Variants in EMILIN2 observed in about 807,000 individuals in gnomAD.
The protein encoded by EMILIN2 is elastin microfibril interfacer 2.
A neutral mutation model predicts 87.1 loss-of-function variants in EMILIN2; 71 were observed. The observed-to-expected ratio is 0.82, with a 90% confidence interval of 0.67 to 0.99. The LOEUF (loss-of-function observed/expected upper bound fraction) is 0.99, where lower values mean the gene tolerates loss of function less well. Ranked by LOEUF, EMILIN2 falls within the 50% of genes least tolerant of loss-of-function variation. The probability of loss-of-function intolerance (pLI) is 0.00; values close to 1 mark genes in which losing one functional copy is unlikely to be tolerated. For synonymous variants in EMILIN2, 581 were observed against 563.4 expected (o/e 1.03, Z -0.44); for missense variants, 1,407 against 1,371.8 (o/e 1.03, Z -0.40).
At chr18:2,888,632 G>A (rs1395718176) in intron 3 of EMILIN2, among the ~76,000 whole-genome samples, 6 of 150,720 alleles carry the variant, frequency 4.0e-5, no homozygotes, top group African/African-American at 7.3e-5. Flanking sequence ...GGAGAATGGC[G>A]TGAACCCAAG....
At chr18:2,893,888 C>T (rs1357778282) in intron 4 of EMILIN2, among the ~76,000 whole-genome samples, 1 of 152,136 alleles carries the variant, frequency 6.6e-6, no homozygotes, top group African/African-American at 2.4e-5. Context: ...TCTTGCAGTC[C>T]AGCCATGATG....
At chr18:2,900,769 C>G (rs889279243) in intron 4 of EMILIN2, among the ~76,000 whole-genome samples, 9 of 152,192 alleles carry the variant, frequency 5.9e-5, no homozygotes, top group African/African-American at 2.2e-4. Context: ...GGTTATTTCC[C>G]AGGAACTAGA....
At chr18:2,893,576 T>C (rs1267587996) in intron 4 of EMILIN2, among the ~76,000 whole-genome samples, 4 of 152,336 alleles carry the variant, frequency 2.6e-5, no homozygotes, top group Non-Finnish European at 5.9e-5. Flanking sequence ...TTGTGGGTGC[T>C]AAACGCAGCC....
At position 2,891,728 on chromosome 18, in the gene EMILIN2, G is replaced by A. The variant is rs758657361; in HGVS notation, c.1601G>A (p.Arg534Gln). 1.1e-5 allele frequency: 17 copies of A among 1,614,130 alleles called. No individual in the cohort carries two copies. In the East Asian group the frequency reaches 2.2e-4, roughly 21 times the overall value. The change falls in exon 4 of 8, where the codon CGG (arginine) becomes CAG (glutamine). Residue 534 changes from arginine to glutamine, a missense_variant. By Grantham distance (43) the Arg-to-Gln change is conservative. Coordinates refer to ENST00000254528, the MANE Select transcript of EMILIN2 (RefSeq NM_032048.3). The surrounding 1 kb of genome is among the most constrained non-coding windows in gnomAD (Gnocchi z 4.6). ...LPGVSGSGDE[R>Q]VMMELNHLKD... is the part of the protein sequence containing the mutation. ...GGAGTGTCAGGGTCAGGAGATGAAC[G>A]GGTCATGATGGAATTAAACCACCTG...
intron 2 of EMILIN2, among the ~76,000 whole-genome samples, chr18:2,870,490 C>A (rs548862051): frequency 6.6e-6 from 1 of 152,270 alleles, no homozygotes; most frequent in Non-Finnish European, 1.5e-5. Flanking sequence ...CTGTTGGCTT[C>A]TGGAAGTGCA....
chr18:2,854,786 A>T (rs530533723), intron 2 of EMILIN2, among the ~76,000 whole-genome samples: 1 of 152,146 alleles, frequency 6.6e-6, no homozygotes, highest in Non-Finnish European at 1.5e-5. Context: ...AGAGTCAAAA[A>T]CAAAACAAAC....
chr18:2,899,016 A>G (rs2076875934), intron 4 of EMILIN2, among the ~76,000 whole-genome samples: 1 of 152,176 alleles, frequency 6.6e-6, no homozygotes. Context: ...CCTTGAACTT[A>G]GAGCTGCAGT....
Position 2,847,225 on chromosome 18 carries a change from TG to T in EMILIN2, c.39del (p.Trp13CysfsTer40). The T allele has an allele frequency of 8.0e-7, 1 of 1,254,970 alleles. No homozygotes were observed. The allele number at this position is 1,254,970 out of a possible 1,614,324, so 77.7% of individuals were successfully genotyped here. A position where few individuals can be genotyped will look rare whatever the true frequency, so the allele number is the denominator to read the frequency against. On this transcript the variant is annotated frameshift_variant, in exon 1 of 8. Transcript: ENST00000254528. LOFTEE classifies it high-confidence loss of function. The surrounding 1 kb of genome is among the most constrained non-coding windows in gnomAD (Gnocchi z 4.5). ...CAGACGGCCCTGGCCCCGCGTGCCCTGGCGCTGGGCGCTGGCGCTGCTGGCC... is the reference window on the plus strand; with the variant it reads ...CAGACGGCCCTGGCCCCGCGTGCCCTGCGCTGGGCGCTGGCGCTGCTGGCC... ...QPRRPWPRVP[W>X]RWALALLALV...
rs776824246 is a variant in EMILIN2 at position 2,891,231 on chromosome 18, C to T, written c.1104C>T (p.Leu368=). 2 of 1,614,112 alleles carry T rather than the reference C, an allele frequency of 1.2e-6. No individual in the cohort carries two copies. Among genetic ancestry groups the T allele is most frequent in the Admixed American group, 1.7e-5 (1 of 60,016 alleles). Residue 368 remains leucine (L), a synonymous_variant, in exon 4 of 8, where the codon CTC becomes CTT. Transcript: ENST00000254528. The surrounding 1 kb of genome is among the most constrained non-coding windows in gnomAD (Gnocchi z 4.6). ...GCAGCTACCTGGGAGTGATAGAGCT[C>T]ATAGGGGAGAAGGAAACAAGCCTGA... ...YGSSYLGVIE[L]IGEKETSLRK...
intron 4 of EMILIN2, among the ~76,000 whole-genome samples, chr18:2,902,194 T>C (rs1444293274): frequency 6.6e-6 from 1 of 152,226 alleles, no homozygotes; most frequent in Non-Finnish European, 1.5e-5. Context: ...GGTTCCCAAC[T>C]TAATGGCTGG....
intron 2 of EMILIN2, among the ~76,000 whole-genome samples, chr18:2,868,347 C>G (rs2076700262): frequency 6.6e-6 from 1 of 151,870 alleles, no homozygotes; most frequent in Non-Finnish European, 1.5e-5. Flanking sequence ...TCCTCACATC[C>G]CAGACGATGG....
chr18:2,877,797 G>GA (rs2076757166), intron 2 of EMILIN2, among the ~76,000 whole-genome samples: 1 of 149,774 alleles, frequency 6.7e-6, no homozygotes, highest in South Asian at 2.1e-4. Flanking sequence ...AAAAAAGAAA[G>GA]AAAACCAGTC....
At position 2,847,991 on chromosome 18, in the gene EMILIN2, G is replaced by T. The variant is rs2076584774; in HGVS notation, c.257+60G>T. 1 of 1,495,476 alleles carries T rather than the reference G, an allele frequency of 6.7e-7. No homozygotes were observed. 92.6% of individuals were successfully genotyped at this position (1,495,476 alleles called of 1,614,324 possible). The stretch of plus-strand genomic sequence containing the variant: ...CCCGGGCCGGGGCGGTGGGGGTGGG[G>T]TGGGGTTGCTGCGCTGGGCTCCAGT... On this transcript the variant is annotated intron_variant, in intron 2 of 7. Coordinates refer to ENST00000254528, the MANE Select transcript of EMILIN2 (RefSeq NM_032048.3). The surrounding 1 kb of genome is among the most constrained non-coding windows in gnomAD (Gnocchi z 4.5).
chr18:2,856,215 A>G (rs72868198), intron 2 of EMILIN2, among the ~76,000 whole-genome samples: 2 of 150,974 alleles, frequency 1.3e-5, no homozygotes, highest in Non-Finnish European at 2.9e-5. Context: ...CTCTCTAAAA[A>G]ATAAAATAAA....
chr18:2,887,947 A>G (rs1005879151), intron 3 of EMILIN2, among the ~76,000 whole-genome samples: 6 of 152,222 alleles, frequency 3.9e-5, no homozygotes, highest in African/African-American at 7.2e-5. Flanking sequence ...GGTTACAGGC[A>G]GAACCACTGC....
In EMILIN2 at chr18:2,906,898, C is replaced by T. The variant is rs2144069771; in HGVS notation, c.2475C>T (p.Val825=). The part of the protein sequence containing the change: ...ATAEDPGRRP[V]LPQRPPEERP... ...CAGAGGACCCTGGGCGACGGCCCGT[C>T]CTGCCCCAGCGGCCCCCCGAGGAGA... is the stretch of plus-strand genomic sequence containing the variant. The change falls in exon 5 of 8, where the codon GTC becomes GTT. Residue 825 remains valine, a synonymous_variant. Coordinates refer to ENST00000254528, the MANE Select transcript of EMILIN2 (RefSeq NM_032048.3). The T allele has an allele frequency of 7.2e-7, 1 of 1,393,946 alleles. No homozygotes were observed. The highest frequency in any genetic ancestry group is 3.2e-5 in the East Asian group (1 of 31,670). 86.3% of individuals were successfully genotyped at this position (1,393,946 alleles called of 1,614,324 possible). A position where few individuals can be genotyped will look rare whatever the true frequency, so the allele number is the denominator to read the frequency against.
chr18:2,885,998 C>T (rs904200056), intron 3 of EMILIN2, among the ~76,000 whole-genome samples: 7 of 152,220 alleles, frequency 4.6e-5, no homozygotes, highest in South Asian at 2.1e-4. Context: ...AAGTAATGCA[C>T]ATCAATTAAA....
chr18:2,847,731 C>A lies in EMILIN2; in HGVS notation c.135-78C>A. On this transcript the variant is annotated intron_variant, in intron 1 of 7. Transcript: ENST00000254528. The surrounding 1 kb of genome is among the most constrained non-coding windows in gnomAD (Gnocchi z 4.5). ...CCCCCGACCCTCGCTCGGTCTGGTG[C>A]CGCAGTCCCCTCTCCCCTGGCCTCA... 1 of 1,543,362 alleles carries A rather than the reference C, an allele frequency of 6.5e-7. No individual in the cohort carries two copies. The highest frequency in any genetic ancestry group is 8.7e-7 in the Non-Finnish European group (1 of 1,150,100).
chr18:2,868,258 G>A (rs1249749136), intron 2 of EMILIN2, among the ~76,000 whole-genome samples: 3 of 151,306 alleles, frequency 2.0e-5, no homozygotes, highest in South Asian at 2.1e-4. Flanking sequence ...AGGCAGAGAC[G>A]CTCCTCACTT....
Sources: gnomAD v4.1 joint callset for allele counts (sites outside exome capture counted in the v4.1 genomes callset) on GRCh38, gnomAD v4.1.1 for gene constraint, Gnocchi (gnomAD v3.1) non-coding constraint, MANE v1.5 for transcripts, NCBI Gene and HGNC (gene_info 2026-07-23, HGNC 2026-07-21) for gene names.